The following NEGR1 variants were observed in gnomAD, a reference collection of about 807,000 sequenced individuals.
NEGR1 encodes IgLON family member 4.
In NEGR1, 10 loss-of-function variants were observed where a neutral mutation model predicts 40.9. The ratio of observed to expected loss-of-function variants is 0.24; its 90% confidence interval spans 0.15 to 0.42. The LOEUF is 0.42. Among genes scored for constraint, NEGR1 ranks in the 10% least tolerant of loss-of-function variants. The pLI is 1.00. For synonymous variants in NEGR1, 185 were observed against 166.8 expected (o/e 1.11, Z -0.84); for missense variants, 352 against 438.9 (o/e 0.80, Z 1.77).
intron 6 of NEGR1, among the ~76,000 whole-genome samples, chr1:71,541,209 AGG>A: frequency 6.6e-6 from 1 of 151,784 alleles, no homozygotes; most frequent in African/African-American, 2.4e-5. Flanking sequence ...ATTGTAGGAA[AGG>A]TTTTTTTTAA....
intron 5 of NEGR1, among the ~76,000 whole-genome samples, chr1:71,595,910 T>A (rs1333148578): frequency 6.6e-6 from 1 of 152,190 alleles, no homozygotes; most frequent in Non-Finnish European, 1.5e-5. Flanking sequence ...TGTTTTTCTT[T>A]ACAAAATTGA....
intron 2 of NEGR1, among the ~76,000 whole-genome samples, chr1:71,873,708 C>T (rs1233614626): frequency 2.0e-5 from 3 of 152,070 alleles, no homozygotes; most frequent in Admixed American, 6.6e-5. Context: ...AATGGAAAAA[C>T]GTTAGTAGAC....
At chr1:71,725,347 T>G (rs1209287406) in intron 3 of NEGR1, among the ~76,000 whole-genome samples, 1 of 152,092 alleles carries the variant, frequency 6.6e-6, no homozygotes, top group Non-Finnish European at 1.5e-5. Context: ...TTCGGAAAAT[T>G]TTATTGTTAT....
intron 1 of NEGR1, among the ~76,000 whole-genome samples, chr1:72,087,133 G>T (rs1569940876): frequency 1.3e-5 from 2 of 152,010 alleles, no homozygotes; most frequent in South Asian, 4.2e-4. Flanking sequence ...AGAATATTAT[G>T]ACTAGGCCGG....
chr1:71,418,121 A>G (rs1426978227), intron 6 of NEGR1, among the ~76,000 whole-genome samples: 3 of 145,480 alleles, frequency 2.1e-5, no homozygotes, highest in South Asian at 4.3e-4. Flanking sequence ...TTTACTGGAT[A>G]GTAATGTTGA....
At position 72,260,118 on chromosome 1, in the gene NEGR1, C is replaced by A. The variant is rs1331136897; in HGVS notation, c.176+22201G>T. 2.0e-5 allele frequency among the ~76,000 whole-genome samples: 3 copies of A among 152,058 alleles called. No individual in the cohort carries two copies. The East Asian group carries it at 5.8e-4, about 29-fold the overall frequency. On this transcript the variant is annotated intron_variant, in intron 1 of 6. Coordinates refer to ENST00000357731, the MANE Select transcript of NEGR1 (RefSeq NM_173808.3). ...ACCCTAAGAAGTATGGAGTCATTCT[C>A]ATTTTATCATTTTGAACCATGGCTT...
intron 1 of NEGR1, among the ~76,000 whole-genome samples, chr1:72,155,153 T>G (rs1438905195): frequency 2.0e-5 from 3 of 152,000 alleles, no homozygotes; most frequent in African/African-American, 7.2e-5. Context: ...CTTGAGTACT[T>G]TCTAATTGTT....
chr1:72,200,806 T>C (rs1274442818), intron 1 of NEGR1, among the ~76,000 whole-genome samples: 1 of 151,968 alleles, frequency 6.6e-6, no homozygotes, highest in African/African-American at 2.4e-5. Flanking sequence ...CTTTGAGTTA[T>C]GACACGTTTT....
rs377643188 is a variant in NEGR1, at chr1:71,563,273, A to G, written c.940+29544T>C. On this transcript the variant is annotated intron_variant, in intron 6 of 6. Transcript: ENST00000357731. The stretch of plus-strand genomic sequence containing the variant: ...GAGATACTTAATCTCCTGGAAAGAC[A>G]CATCTATGAATTTTGCTTGTAAGCT... Among the ~76,000 whole-genome samples, 756 of 152,080 alleles carry G rather than the reference A, an allele frequency of 5.0e-3. 10 individuals are homozygous for G. The highest frequency in any genetic ancestry group is 0.018 in the African/African-American group (734 of 41,528).
chr1:72,059,372 T>C (rs1335309741), intron 1 of NEGR1, among the ~76,000 whole-genome samples: 1 of 151,602 alleles, frequency 6.6e-6, no homozygotes, highest in Non-Finnish European at 1.5e-5. Context: ...TGTAGATACA[T>C]AGACCATTTA....
At position 71,935,143 on chromosome 1, in the gene NEGR1, T is replaced by G; in HGVS notation, c.345A>C (p.Pro115=). 1 of 1,613,898 alleles carries G rather than the reference T, an allele frequency of 6.2e-7. No homozygotes were observed. Among genetic ancestry groups the G allele is most frequent in the Non-Finnish European group, 8.5e-7 (1 of 1,179,828 alleles). ...GTTGAGTCTGAACAGAACACGTGTATGGGCCATCATCTGTCACATCTACAT... is the reference window on the plus strand; with the variant it reads ...GTTGAGTCTGAACAGAACACGTGTAGGGGCCATCATCTGTCACATCTACAT... ...IQNVDVTDDG[P]YTCSVQTQHT... Residue 115 remains proline, a synonymous_variant, in exon 2 of 7, where the codon CCA becomes CCC. Coordinates refer to ENST00000357731, the MANE Select transcript of NEGR1 (RefSeq NM_173808.3).
At chr1:72,205,119 AT>A (rs1307981473) in intron 1 of NEGR1, among the ~76,000 whole-genome samples, 1 of 152,124 alleles carries the variant, frequency 6.6e-6, no homozygotes, top group Non-Finnish European at 1.5e-5. Flanking sequence ...AACAAAAAAA[AT>A]CATCTTATTT....
intron 1 of NEGR1, among the ~76,000 whole-genome samples, chr1:72,162,116 A>T (rs1016185373): frequency 1.3e-5 from 2 of 152,038 alleles, no homozygotes; most frequent in Non-Finnish European, 2.9e-5. Flanking sequence ...ATTCAGTTTA[A>T]CTAAACTATG....
At position 72,016,350 on chromosome 1, in the gene NEGR1, G is replaced by A. The variant is rs368477242; in HGVS notation, c.177-81039C>T. ...CTATTTCACAGACAGAGAAGCTAAG[G>A]ATTAGTGACGTTAACTCTTTTAAGG... On this transcript the variant is annotated intron_variant, in intron 1 of 6. Coordinates refer to ENST00000357731, the MANE Select transcript of NEGR1 (RefSeq NM_173808.3). Among the ~76,000 whole-genome samples, 163 of 152,214 alleles carry A rather than the reference G, an allele frequency of 1.1e-3. 2 individuals are homozygous for A. The South Asian group carries it at 0.019, about 18-fold the overall frequency.
At chr1:71,550,823 C>T (rs1648052309) in intron 6 of NEGR1, among the ~76,000 whole-genome samples, 1 of 151,596 alleles carries the variant, frequency 6.6e-6, no homozygotes, top group Admixed American at 6.6e-5. Context: ...AATTTAGTTT[C>T]TTTCTACAAC....
At chr1:71,938,602 G>A (rs1266621239) in intron 1 of NEGR1, among the ~76,000 whole-genome samples, 6 of 151,966 alleles carry the variant, frequency 3.9e-5, no homozygotes, top group African/African-American at 1.4e-4. Flanking sequence ...AGGGTACAAT[G>A]GGGTGGAGGG....
chr1:71,423,452 A>G (rs1646410097), intron 6 of NEGR1, among the ~76,000 whole-genome samples: 1 of 152,034 alleles, frequency 6.6e-6, no homozygotes, highest in African/African-American at 2.4e-5. Context: ...TAAAACATGG[A>G]AAAAAAACTT....
chr1:71,641,080 G>C (rs1477502026), intron 4 of NEGR1, among the ~76,000 whole-genome samples: 2 of 152,050 alleles, frequency 1.3e-5, no homozygotes, highest in East Asian at 1.9e-4. Context: ...CACTAACTCA[G>C]ACCATGTTTC....
Position 71,524,400 on chromosome 1 carries a change from T to G in NEGR1, c.940+68417A>C, listed in dbSNP as rs559278405. On this transcript the variant is annotated intron_variant, in intron 6 of 6. Coordinates refer to ENST00000357731, the MANE Select transcript of NEGR1 (RefSeq NM_173808.3). ...AAATATTGTAAAATTATTGGTAATA[T>G]GGCTTGATAAATATAATCTTTTCAA... Among the ~76,000 whole-genome samples the G allele has an allele frequency of 9.2e-5, 14 of 151,396 alleles. No individual in the cohort carries two copies. The East Asian group carries it at 2.7e-3, about 30-fold the overall frequency.
Sources: allele counts gnomAD v4.1 joint callset (sites outside exome capture counted in the v4.1 genomes callset), GRCh38; gene constraint gnomAD v4.1.1; transcripts MANE v1.5; gene names NCBI Gene and HGNC (gene_info 2026-07-23, HGNC 2026-07-21).